Variants in SLAMF9 observed in about 807,000 individuals in gnomAD.
The protein encoded by SLAMF9 is CD2 family member 10.
Under a neutral mutation model 30.4 loss-of-function variants are expected in SLAMF9, and 25 were observed. The ratio of observed to expected loss-of-function variants is 0.82; its 90% CI spans 0.60 to 1.15. The LOEUF (loss-of-function observed/expected upper bound fraction) is 1.15, where lower values mean the gene tolerates loss of function less well. Among genes scored for constraint, SLAMF9 ranks in the 50% most tolerant of loss-of-function variants. SLAMF9 has a pLI of 0.00. For missense variants in SLAMF9, 344 were observed against 346.1 expected (o/e 0.99, Z 0.05); for synonymous variants, 129 against 127.2 (o/e 1.01, Z -0.09).
chr1:159,960,611 G>A, the SLAMF9 span, among the ~76,000 whole-genome samples: 1 of 151,956 alleles, frequency 6.6e-6, no homozygotes, highest in African/African-American at 2.4e-5. Flanking sequence ...GATTACAGGC[G>A]CATGCTACTA....
upstream of SLAMF9, among the ~76,000 whole-genome samples, chr1:159,958,921 G>A (rs1316963): frequency 0.6 from 91,458 of 152,034 alleles, 30,131 homozygotes; most frequent in East Asian, 0.97. Flanking sequence ...TACTGGTCTC[G>A]GTTTAGAAAT....
At chr1:159,956,724 TACA>T (rs1651929509), upstream of SLAMF9, among the ~76,000 whole-genome samples, 1 of 152,186 alleles carries the variant, frequency 6.6e-6, no homozygotes, top group South Asian at 2.1e-4. Flanking sequence ...TGCTACCATT[TACA>T]ACAACATGGA....
At chr1:159,981,457 G>A in the SLAMF9 span, among the ~76,000 whole-genome samples, 5 of 152,352 alleles carry the variant, frequency 3.3e-5, no homozygotes, top group East Asian at 9.6e-4. Context: ...AAGAAAAGCG[G>A]AGGACAACTT....
At chr1:159,981,748 G>A in the SLAMF9 span, among the ~76,000 whole-genome samples, 1 of 152,224 alleles carries the variant, frequency 6.6e-6, no homozygotes, top group Non-Finnish European at 1.5e-5. Flanking sequence ...GCCCCATGCT[G>A]CTCCCAGCCA....
chr1:159,954,063 C>G, intron 1 of SLAMF9, 29 bp downstream of exon 1: 11 of 1,613,764 alleles, frequency 6.8e-6, no homozygotes, highest in Non-Finnish European at 9.3e-6. Flanking sequence ...AGGGGACATT[C>G]CTGTGCACGA....
the SLAMF9 span, among the ~76,000 whole-genome samples, chr1:159,962,147 A>T: frequency 3.3e-5 from 5 of 150,356 alleles, no homozygotes; most frequent in Admixed American, 6.6e-5. Flanking sequence ...ACAGAGCAAG[A>T]CTCCATCTCA....
chr1:159,963,987 G>GA, the SLAMF9 span, among the ~76,000 whole-genome samples: 1 of 152,154 alleles, frequency 6.6e-6, no homozygotes, highest in Non-Finnish European at 1.5e-5. Context: ...TTGAACCTGG[G>GA]AGGCAGAGGT....
the SLAMF9 span, among the ~76,000 whole-genome samples, chr1:159,980,864 C>T: frequency 1.3e-5 from 2 of 152,226 alleles, no homozygotes; most frequent in Admixed American, 1.3e-4. Context: ...CTCTCTAATG[C>T]TTTCCCTGCT....
chr1:159,959,007 T>G (rs1396719952), upstream of SLAMF9, among the ~76,000 whole-genome samples: 1 of 152,134 alleles, frequency 6.6e-6, no homozygotes, highest in Non-Finnish European at 1.5e-5. Flanking sequence ...TACCCTGGCT[T>G]AGGTCTTCCA....
At chr1:159,970,687 T>C in the SLAMF9 span, among the ~76,000 whole-genome samples, 2 of 152,218 alleles carry the variant, frequency 1.3e-5, no homozygotes, top group Non-Finnish European at 2.9e-5. Context: ...AGTGTGTACA[T>C]TTTCTAAGAC....
Position 159,952,278 on chromosome 1 carries a change from A to G in SLAMF9, c.648T>C (p.Asp216=), listed in dbSNP as rs764902016. ...TTCTGGTACCTGCATAGAAGGGCCC[A>G]TCAGGGATGGGGCAAGAACTGACGT... is the stretch of plus-strand genomic sequence containing the variant. ...ISNVSSCPIP[D]GPFYADPNYA... Residue 216 remains aspartate, a synonymous_variant, in exon 3 of 4, where the codon GAT becomes GAC. Coordinates refer to ENST00000368093, the MANE Select transcript of SLAMF9 (RefSeq NM_033438.4). 149 of 1,613,944 alleles carry G rather than the reference A, an allele frequency of 9.2e-5. 2 individuals carry two copies. Among genetic ancestry groups the G allele is most frequent in the South Asian group, 6.3e-4 (57 of 91,082 alleles).
At chr1:159,970,566 A>C in the SLAMF9 span, among the ~76,000 whole-genome samples, 1 of 152,250 alleles carries the variant, frequency 6.6e-6, no homozygotes, top group Non-Finnish European at 1.5e-5. Flanking sequence ...ATAGCCATGG[A>C]TAGAACACTA....
the SLAMF9 span, among the ~76,000 whole-genome samples, chr1:159,967,088 C>T: frequency 2.6e-4 from 39 of 152,202 alleles, no homozygotes; most frequent in African/African-American, 9.4e-4. Context: ...TCCCCTTATG[C>T]TTTCTTCTAG....
At chr1:159,963,056 A>G in the SLAMF9 span, among the ~76,000 whole-genome samples, 2 of 152,236 alleles carry the variant, frequency 1.3e-5, no homozygotes, top group African/African-American at 2.4e-5. Flanking sequence ...GTCGAAGAGC[A>G]TGCCTCTGGA....
chr1:159,953,462 G>A lies in SLAMF9; in HGVS notation c.238C>T (p.Pro80Ser). Residue 80 changes from proline to serine, a missense_variant, in exon 2 of 4, where the codon CCA becomes TCA. Pro to Ser is a moderately conservative substitution (Grantham distance 74, BLOSUM62 -1). Transcript: ENST00000368093. ...GHPATIMVTN[P>S]HYQGQVSFLD... ...AAGCTCACTTGGCCCTGGTAGTGTG[G>A]ATTGGTCACCATGATGGTAGCTGGA... 6.2e-7 allele frequency: 1 copy of A among 1,614,238 alleles called. No individual in the cohort carries two copies.
chr1:159,958,949 T>G (rs1651984683), upstream of SLAMF9, among the ~76,000 whole-genome samples: 1 of 152,232 alleles, frequency 6.6e-6, no homozygotes, highest in South Asian at 2.1e-4. Flanking sequence ...TCCTGTGCCA[T>G]GTAATATTCA....
At chr1:159,979,882 T>C in the SLAMF9 span, among the ~76,000 whole-genome samples, 1 of 152,034 alleles carries the variant, frequency 6.6e-6, no homozygotes, top group African/African-American at 2.4e-5. Flanking sequence ...ACCAATAGCA[T>C]TGAGAAGGGA....
chr1:159,963,535 A>G, the SLAMF9 span, among the ~76,000 whole-genome samples: 30 of 152,138 alleles, frequency 2.0e-4, no homozygotes, highest in Non-Finnish European at 3.4e-4. Flanking sequence ...ACCACACTGT[A>G]AGGGCAACCC....
chr1:159,965,720 T>A, the SLAMF9 span: 20 of 152,248 alleles, frequency 1.3e-4, no homozygotes, highest in African/African-American at 4.6e-4. Context: ...CTATGTATTG[T>A]CTTAATACTT....
Sources: gnomAD v4.1 joint callset for allele counts (sites outside exome capture counted in the v4.1 genomes callset) on GRCh38, gnomAD v4.1.1 for gene constraint, MANE v1.5 for transcripts, NCBI Gene and HGNC (gene_info 2026-07-23, HGNC 2026-07-21) for gene names.